Variants in ANKRD12 observed in about 807,000 individuals in gnomAD.
The protein encoded by ANKRD12 is ankyrin repeat domain-containing protein 12.
ANKRD12 carries 85 observed loss-of-function variants against 183.4 expected under a neutral mutation model. That is an observed-to-expected ratio of 0.46 (90% CI 0.39 to 0.56). The LOEUF is 0.56. ANKRD12 is among the 20% of genes least tolerant of loss of function. The pLI, the probability that ANKRD12 is intolerant of heterozygous loss-of-function variation, is 0.00. For missense variants in ANKRD12, 2,405 were observed against 2,357.1 expected, an observed-to-expected ratio of 1.02 and a Z score of -0.42; for synonymous variants, 914 against 800.2, an observed-to-expected ratio of 1.14 and a Z score of -2.40.
At chr18:9,176,276 A>ATT in intron 1 of ANKRD12, among the ~76,000 whole-genome samples, 1 of 149,236 alleles carries the variant, frequency 6.7e-6, no homozygotes, top group South Asian at 2.1e-4. Flanking sequence ...ACACTGTTCT[A>ATT]TTTTTTTTTT....
At chr18:9,173,347 G>C (rs888013964) in intron 1 of ANKRD12, among the ~76,000 whole-genome samples, 4 of 152,130 alleles carry the variant, frequency 2.6e-5, no homozygotes, top group African/African-American at 9.7e-5. Flanking sequence ...GAGATTACAG[G>C]CATGAGCCAC....
At chr18:9,261,975 A>G (rs575652213) in intron 9 of ANKRD12, among the ~76,000 whole-genome samples, 1 of 152,244 alleles carries the variant, frequency 6.6e-6, no homozygotes, top group Non-Finnish European at 1.5e-5. Flanking sequence ...GCTAAGTTTA[A>G]AGCAGTTCAC....
intron 8 of ANKRD12, among the ~76,000 whole-genome samples, chr18:9,234,718 A>T (rs2037244640): frequency 6.6e-6 from 1 of 152,104 alleles, no homozygotes; most frequent in Non-Finnish European, 1.5e-5. Flanking sequence ...CCAGCCGCTT[A>T]GGTACCAGAG....
Position 9,283,121 on chromosome 18 carries a change from A to G in ANKRD12, c.*1995A>G, listed in dbSNP as rs1048653036. ...TTGCCTAAAAAGGAAATTGGATGGG[A>G]TACTGTGGCAAATCATAAAAAACCA... On this transcript the variant is annotated 3_prime_UTR_variant, in exon 13 of 13. Transcript: ENST00000262126. 1 of 152,384 alleles carries G rather than the reference A, an allele frequency of 6.6e-6. No homozygotes were observed. The highest frequency in any genetic ancestry group is 6.5e-5 in the Admixed American group (1 of 15,282). 9.4% of individuals were successfully genotyped at this position (152,384 alleles called of 1,614,324 possible).
At chr18:9,200,869 G>A (rs1181245272) in intron 3 of ANKRD12, among the ~76,000 whole-genome samples, 1 of 152,184 alleles carries the variant, frequency 6.6e-6, no homozygotes, top group Non-Finnish European at 1.5e-5. Flanking sequence ...AATGCCATCA[G>A]GCACTGATCT....
chr18:9,202,723 T>G (rs1365163255), intron 3 of ANKRD12, among the ~76,000 whole-genome samples: 10 of 152,186 alleles, frequency 6.6e-5, no homozygotes, highest in African/African-American at 2.4e-4. Flanking sequence ...AGTGGTAGTC[T>G]CATACAGCCT....
chr18:9,144,657 C>T (rs76518008), intron 1 of ANKRD12, among the ~76,000 whole-genome samples: 1 of 152,174 alleles, frequency 6.6e-6, no homozygotes, highest in East Asian at 1.9e-4. Context: ...CATATACTTG[C>T]AAAAATCTTA....
intron 1 of ANKRD12, among the ~76,000 whole-genome samples, chr18:9,175,359 C>T (rs2033165054): frequency 6.6e-6 from 1 of 152,000 alleles, no homozygotes; most frequent in Admixed American, 6.6e-5. Context: ...GTGTTTTTTT[C>T]TCTCAGCCCT....
At position 9,256,071 on chromosome 18, in the gene ANKRD12, A is replaced by T; in HGVS notation, c.2804A>T (p.Asn935Ile). 2.6e-6 allele frequency: 4 copies of T among 1,564,004 alleles called. No individual in the cohort carries two copies. Among genetic ancestry groups the T allele is most frequent in the Non-Finnish European group, 3.4e-6 (4 of 1,160,996 alleles). Residue 935 changes from asparagine to isoleucine, a missense_variant, in exon 9 of 13, where the codon AAT becomes ATT. Around this residue, in one of 7 missense-constraint regions of ANKRD12, gnomAD observed 1,983 missense variants for 1,725.9 expected, o/e 1.15. Transcript: ENST00000262126. ...SKEKHLMEKK[N>I]KQSDNSEYSK... ...GAAAAGCACTTGATGGAGAAAAAAA[A>T]TAAACAATCAGATAATAGTGAATAC...
intron 8 of ANKRD12, chr18:9,239,599 A>C (rs1164885886): frequency 9.5e-7 from 1 of 1,050,308 alleles, no homozygotes; most frequent in South Asian, 1.4e-5. Flanking sequence ...AAAAAGACTG[A>C]TGAAAATACC....
At chr18:9,279,940 TA>T (rs1325595660) in intron 12 of ANKRD12, among the ~76,000 whole-genome samples, 4 of 152,154 alleles carry the variant, frequency 2.6e-5, no homozygotes, top group African/African-American at 9.7e-5. Context: ...AGGAGAATGG[TA>T]AGAAAAGGAA....
Position 9,256,328 on chromosome 18 carries a change from G to T in ANKRD12, c.3061G>T (p.Asp1021Tyr), listed in dbSNP as rs781424739. The change falls in exon 9 of 13, where the codon GAT becomes TAT. Residue 1021 changes from aspartate to tyrosine, a missense_variant. This residue lies in a region of ANKRD12 where 1,983 missense variants were observed against 1,725.9 expected (regional missense o/e 1.15). Transcript: ENST00000262126. ...AGATGGAAAAGAAAAAGATAAAAAA[G>T]ATAAAGATATAGATAGATACAAAGA... ...TPDGKEKDKK[D>Y]KDIDRYKERD... The T allele has an allele frequency of 6.3e-6, 10 of 1,589,996 alleles. No individual in the cohort carries two copies. The African/African-American group carries it at 9.6e-5, about 15-fold the overall frequency.
At position 9,255,263 on chromosome 18, in the gene ANKRD12, A is replaced by G; in HGVS notation, c.1996A>G (p.Lys666Glu). Reference protein sequence around the residue: ...KHKEREKEKHKKEIEGEKEKY... With the variant: ...KHKEREKEKHEKEIEGEKEKY... ...TAAAGAGAGGGAAAAAGAAAAGCAT[A>G]AAAAAGAAATTGAAGGTGAAAAGGA... Residue 666 changes from lysine to glutamate, a missense_variant, in exon 9 of 13, where the codon AAA (lysine) becomes GAA (glutamate). This residue lies in a region of ANKRD12 where 1,983 missense variants were observed against 1,725.9 expected (regional missense o/e 1.15). Transcript: ENST00000262126. The G allele has an allele frequency of 6.4e-7, 1 of 1,571,488 alleles. No homozygotes were observed. The highest frequency in any genetic ancestry group is 8.6e-7 in the Non-Finnish European group (1 of 1,167,410).
chr18:9,265,412 C>G (rs959198059), intron 10 of ANKRD12, among the ~76,000 whole-genome samples: 1 of 152,076 alleles, frequency 6.6e-6, no homozygotes, highest in Non-Finnish European at 1.5e-5. Context: ...CGGCTGGGTA[C>G]TCCTCTGAGA....
intron 1 of ANKRD12, among the ~76,000 whole-genome samples, chr18:9,175,065 C>A (rs1377372230): frequency 6.6e-6 from 1 of 152,042 alleles, no homozygotes; most frequent in African/African-American, 2.4e-5. Flanking sequence ...AGCAACTCTC[C>A]TGCCTAAGCC....
chr18:9,237,452 C>G (rs141790174), intron 8 of ANKRD12, among the ~76,000 whole-genome samples: 1 of 152,076 alleles, frequency 6.6e-6, no homozygotes. Context: ...TGGGAGTATC[C>G]TATGTTTATT....
At position 9,256,533 on chromosome 18, in the gene ANKRD12, T is replaced by A; in HGVS notation, c.3266T>A (p.Leu1089Gln). The A allele has an allele frequency of 1.9e-6, 3 of 1,604,362 alleles. No homozygotes were observed. In the South Asian group the frequency reaches 3.4e-5, roughly 18 times the overall value. The change falls in exon 9 of 13, where the codon CTA becomes CAA. Residue 1089 changes from leucine (L) to glutamine (Q), a missense_variant. Leu to Gln is a moderately radical substitution (Grantham distance 113). Coordinates refer to ENST00000262126, the MANE Select transcript of ANKRD12 (RefSeq NM_015208.5). ...SFERMLSLKD[L>Q]EIEQWHKKHK... ...GAACGAATGCTAAGCCTTAAAGACC[T>A]AGAAATAGAACAGTGGCACAAAAAA...
Position 9,225,468 on chromosome 18 carries a change from T to C in ANKRD12, c.943+3469T>C, listed in dbSNP as rs2036648368. Among the ~76,000 whole-genome samples, 2 of 63,748 alleles carry C rather than the reference T, an allele frequency of 3.1e-5. 1 individual carries two copies. Among genetic ancestry groups the C allele is most frequent in the Non-Finnish European group, 7.3e-5 (2 of 27,328 alleles). The allele number at this position is 63,748 out of a possible 152,430, so 41.8% of individuals were successfully genotyped here. ...CAGCCTGGCTGACAGAGCCAGACTA[T>C]CTTTAAAAAAAAAAAAAAAAAGTAT... On this transcript the variant is annotated intron_variant, in intron 8 of 12. Coordinates refer to ENST00000262126, the MANE Select transcript of ANKRD12 (RefSeq NM_015208.5).
At chr18:9,233,557 T>G (rs1456616510) in intron 8 of ANKRD12, among the ~76,000 whole-genome samples, 3 of 152,222 alleles carry the variant, frequency 2.0e-5, no homozygotes, top group Non-Finnish European at 2.9e-5. Flanking sequence ...CTTTTTGAGT[T>G]TGCTTTCATA....
Sources: allele counts gnomAD v4.1 joint callset (sites outside exome capture counted in the v4.1 genomes callset), GRCh38; gene constraint gnomAD v4.1.1; regional missense constraint gnomAD v4.1.1; transcripts MANE v1.5; gene names NCBI Gene and HGNC (gene_info 2026-07-23, HGNC 2026-07-21).